LRRN4CL: variants seen among roughly 807,000 people sequenced by gnomAD.
LRRN4CL encodes the protein LRRN4 C-terminal like, also known as LRRN4 C-terminal-like protein.
For missense variants in LRRN4CL, 348 were observed against 336.4 expected (o/e 1.03, Z -0.27); for synonymous variants, 156 against 154.1 (o/e 1.01, Z -0.09).
chr11:62,687,915 C>A lies in LRRN4CL; in HGVS notation c.594G>T (p.Ala198=). The A allele has an allele frequency of 2.6e-6, 4 of 1,515,762 alleles. No homozygotes were observed. Among genetic ancestry groups the A allele is most frequent in the Non-Finnish European group, 3.5e-6 (4 of 1,134,356 alleles). The allele number at this position is 1,515,762 out of a possible 1,614,324, so 93.9% of individuals were successfully genotyped here. ...CCAGGGCCGTGCCCACCCCGACGGC[C>A]GCGTGGACCAGAGTGCGGGGGTTGG... ...VPPNPRTLVH[A]AVGVGTALAL... Residue 198 remains alanine, a synonymous_variant, in exon 2 of 2, where the codon GCG becomes GCT. Coordinates refer to ENST00000317449, the MANE Select transcript of LRRN4CL (RefSeq NM_203422.4).
chr11:62,688,211 C>A lies in LRRN4CL; in HGVS notation c.298G>T (p.Ala100Ser), dbSNP rs575634584. ...AAGGGGGCACACCAGTGGACCACTG[C>A]GCGGCCCTCTTCGGCCGCAATGCGC... ...EVRIAAEEGR[A>S]VVHWCAPFSP... Residue 100 changes from alanine (A) to serine (S), a missense_variant, in exon 2 of 2, where the codon GCA (alanine) becomes TCA (serine). Transcript: ENST00000317449. 4.3e-6 allele frequency: 7 copies of A among 1,612,082 alleles called. No homozygotes were observed. Among genetic ancestry groups the A allele is most frequent in the Non-Finnish European group, 5.9e-6 (7 of 1,179,630 alleles).
In LRRN4CL at chr11:62,687,874, G is replaced by A. The variant is rs752345635; in HGVS notation, c.635C>T (p.Ala212Val). The A allele has an allele frequency of 4.1e-6, 6 of 1,453,916 alleles. No individual in the cohort carries two copies. In the African/African-American group the frequency reaches 5.9e-5, roughly 14 times the overall value. The allele number at this position is 1,453,916 out of a possible 1,614,324, so 90.1% of individuals were successfully genotyped here. A position where few individuals can be genotyped will look rare whatever the true frequency, so the allele number is the denominator to read the frequency against. ...CAGGCAGAAGTGCCACACCAGGGCG[G>A]CACAGCTTAGCAGGGCCAGGGCCGT... Reference protein sequence around the residue: ...VGTALALLSCAALVWHFCLRD... With the variant: ...VGTALALLSCVALVWHFCLRD... Residue 212 changes from alanine to valine, a missense_variant, in exon 2 of 2, where the codon GCC becomes GTC. Transcript: ENST00000317449.
In LRRN4CL at chr11:62,688,173, G is replaced by A. The variant is rs1477591191; in HGVS notation, c.336C>T (p.Leu112=). Residue 112 remains leucine, a synonymous_variant, in exon 2 of 2, where the codon CTC becomes CTT. Transcript: ENST00000317449. ...CGTCCCAAAGCAGCAGCCAGTAGTG[G>A]AGGACCGGGGAGAAGGGGGCACACC... The part of the protein sequence containing the change: ...VHWCAPFSPV[L]HYWLLLWDGS... The A allele has an allele frequency of 1.2e-6, 2 of 1,612,500 alleles. No homozygotes were observed. Among genetic ancestry groups the A allele is most frequent in the Middle Eastern group, 1.7e-4 (1 of 6,060 alleles).
intron 1 of LRRN4CL, among the ~76,000 whole-genome samples, chr11:62,688,803 A>G (rs1945236329): frequency 6.6e-6 from 1 of 152,172 alleles, no homozygotes; most frequent in Non-Finnish European, 1.5e-5. Context: ...GGGAGAGAAG[A>G]GGAGGACATG....
In LRRN4CL at chr11:62,688,202, G is replaced by C. The variant is rs776376410; in HGVS notation, c.307C>G (p.His103Asp). ...ACCGGGGAGAAGGGGGCACACCAGT[G>C]GACCACTGCGCGGCCCTCTTCGGCC... ...IAAEEGRAVV[H>D]WCAPFSPVLH... is the part of the protein sequence containing the mutation. The change falls in exon 2 of 2, where the codon CAC (histidine) becomes GAC (aspartate). Residue 103 changes from histidine to aspartate, a missense_variant. Coordinates refer to ENST00000317449, the MANE Select transcript of LRRN4CL (RefSeq NM_203422.4). The C allele has an allele frequency of 9.3e-6, 15 of 1,612,266 alleles. No individual in the cohort carries two copies. The highest frequency in any genetic ancestry group is 1.3e-5 in the Non-Finnish European group (15 of 1,179,704).
chr11:62,687,780 C>A lies in LRRN4CL; in HGVS notation c.*12G>T. 7.2e-7 allele frequency: 1 copy of A among 1,390,462 alleles called. No homozygotes were observed. The highest frequency in any genetic ancestry group is 9.2e-7 in the Non-Finnish European group (1 of 1,082,694). The allele number at this position is 1,390,462 out of a possible 1,614,324, so 86.1% of individuals were successfully genotyped here. A position where few individuals can be genotyped will look rare whatever the true frequency, so the allele number is the denominator to read the frequency against. ...TGGGGCTGTCTGTGCCCGAGATGCC[C>A]CCAGGCCCCTTTCAGAGCGCCCCTG... On this transcript the variant is annotated 3_prime_UTR_variant, in exon 2 of 2. Coordinates refer to ENST00000317449, the MANE Select transcript of LRRN4CL (RefSeq NM_203422.4).
At position 62,688,450 on chromosome 11, in the gene LRRN4CL, G is replaced by A. The variant is rs1945229131; in HGVS notation, c.59C>T (p.Ala20Val). The part of the protein sequence containing the change: ...LLAVTFLVPR[A>V]QPLAPQDFEE... ...AAAGTCTTGAGGGGCCAAGGGCTGA[G>A]CTCTGGGAACCAAGAAGGTCACGGC... Residue 20 changes from alanine to valine, a missense_variant, in exon 2 of 2, where the codon GCT (alanine) becomes GTT (valine). By Grantham distance (64) the Ala-to-Val change is moderately conservative (BLOSUM62 0). Coordinates refer to ENST00000317449, the MANE Select transcript of LRRN4CL (RefSeq NM_203422.4). 4 of 1,599,374 alleles carry A rather than the reference G, an allele frequency of 2.5e-6. No individual in the cohort carries two copies. Among genetic ancestry groups the A allele is most frequent in the Non-Finnish European group, 2.5e-6 (3 of 1,179,904 alleles).
In LRRN4CL at chr11:62,687,939, G is replaced by C. The variant is rs1945216956; in HGVS notation, c.570C>G (p.Pro190=). 1 of 1,566,158 alleles carries C rather than the reference G, an allele frequency of 6.4e-7. No homozygotes were observed. The highest frequency in any genetic ancestry group is 8.6e-7 in the Non-Finnish European group (1 of 1,157,302). The change falls in exon 2 of 2, where the codon CCC becomes CCG. Residue 190 remains proline (P), a synonymous_variant. Coordinates refer to ENST00000317449, the MANE Select transcript of LRRN4CL (RefSeq NM_203422.4). ...CCGCGTGGACCAGAGTGCGGGGGTT[G>C]GGCGGCACCGCAAGGCGGCTGCAAG... ...FGPCSRLAVP[P]NPRTLVHAAV... is the part of the protein sequence containing the mutation.
intron 1 of LRRN4CL, among the ~76,000 whole-genome samples, chr11:62,689,081 T>C (rs1945241629): frequency 6.6e-6 from 1 of 152,178 alleles, no homozygotes; most frequent in South Asian, 2.1e-4. Context: ...CACATGCCTG[T>C]GGTCCCTGCT....
In LRRN4CL at chr11:62,687,078, G is replaced by C. The variant is rs1440486240; in HGVS notation, c.*714C>G. Reference sequence around the variant, plus strand: ...GTGGAGTACCTGAGGTCAGGAGTTTGAGACCAGCCTGACAACATGGTGAAA... The same window carrying C: ...GTGGAGTACCTGAGGTCAGGAGTTTCAGACCAGCCTGACAACATGGTGAAA... On this transcript the variant is annotated 3_prime_UTR_variant, in exon 2 of 2. Transcript: ENST00000317449. 2 of 149,736 alleles carry C rather than the reference G, an allele frequency of 1.3e-5. No individual in the cohort carries two copies. The highest frequency in any genetic ancestry group is 2.4e-5 in the African/African-American group (1 of 40,922). The allele number at this position is 149,736 out of a possible 1,614,324, so 9.3% of individuals were successfully genotyped here. A position where few individuals can be genotyped will look rare whatever the true frequency, so the allele number is the denominator to read the frequency against.
At position 62,688,300 on chromosome 11, in the gene LRRN4CL, G is replaced by A. The variant is rs1265311340; in HGVS notation, c.209C>T (p.Ala70Val). The change falls in exon 2 of 2, where the codon GCC becomes GTC. Residue 70 changes from alanine to valine, a missense_variant. Transcript: ENST00000317449. ...GCTGGAGAGTCCTGGGCACAGGCAG[G>A]CCGCCGGCCCGACCCTCTGTAGCTC... is the stretch of plus-strand genomic sequence containing the variant. The part of the protein sequence containing the change: ...CKELQRVGPA[A>V]CLCPGLSSPA... 6.2e-7 allele frequency: 1 copy of A among 1,608,616 alleles called. No homozygotes were observed. The highest frequency in any genetic ancestry group is 8.5e-7 in the Non-Finnish European group (1 of 1,179,162).
chr11:62,688,264 G>A lies in LRRN4CL; in HGVS notation c.245C>T (p.Pro82Leu), dbSNP rs1334977687. Reference sequence around the variant, plus strand: ...TTCTCCCATGCGCGGCGGGTCGGGCGGCTGGGCGGGGCTGGAGAGTCCTGG... The same window carrying A: ...TTCTCCCATGCGCGGCGGGTCGGGCAGCTGGGCGGGGCTGGAGAGTCCTGG... Reference protein sequence around the residue: ...LCPGLSSPAQPPDPPRMGEVR... With the variant: ...LCPGLSSPAQLPDPPRMGEVR... Residue 82 changes from proline to leucine, a missense_variant, in exon 2 of 2, where the codon CCG (proline) becomes CTG (leucine). Transcript: ENST00000317449. The A allele has an allele frequency of 1.9e-6, 3 of 1,609,024 alleles. No individual in the cohort carries two copies. Among genetic ancestry groups the A allele is most frequent in the Non-Finnish European group, 2.5e-6 (3 of 1,178,504 alleles).
chr11:62,687,845 C>T lies in LRRN4CL; in HGVS notation c.664G>A (p.Asp222Asn). ...AALVWHFCLR[D>N]RWGCPRRAAA... ...GCTCGGCGCGGGCAGCCCCAGCGAT[C>T]GCGCAGGCAGAAGTGCCACACCAGG... Residue 222 changes from aspartate (D) to asparagine (N), a missense_variant, in exon 2 of 2, where the codon GAT becomes AAT. Coordinates refer to ENST00000317449, the MANE Select transcript of LRRN4CL (RefSeq NM_203422.4). The T allele has an allele frequency of 1.4e-6, 2 of 1,410,510 alleles. No homozygotes were observed. The highest frequency in any genetic ancestry group is 3.2e-5 in the South Asian group (2 of 63,392). The allele number at this position is 1,410,510 out of a possible 1,614,324, so 87.4% of individuals were successfully genotyped here.
chr11:62,687,865 A>ACCAGGGCGGCACAGCTTAGCAGGG lies in LRRN4CL; in HGVS notation c.620_643dup (p.Ala207_Leu214dup). The ACCAGGGCGGCACAGCTTAGCAGGG allele has an allele frequency of 6.9e-7, 1 of 1,440,906 alleles. No homozygotes were observed. Among genetic ancestry groups the ACCAGGGCGGCACAGCTTAGCAGGG allele is most frequent in the Non-Finnish European group, 9.1e-7 (1 of 1,104,134 alleles). 89.3% of individuals were successfully genotyped at this position (1,440,906 alleles called of 1,614,324 possible). A position where few individuals can be genotyped will look rare whatever the true frequency, so the allele number is the denominator to read the frequency against. ...GCGATCGCGCAGGCAGAAGTGCCACACCAGGGCGGCACAGCTTAGCAGGGC... is the reference window on the plus strand; with the variant it reads ...GCGATCGCGCAGGCAGAAGTGCCACACCAGGGCGGCACAGCTTAGCAGGGCCAGGGCGGCACAGCTTAGCAGGGC... On this transcript the variant is annotated inframe_insertion, in exon 2 of 2. Coordinates refer to ENST00000317449, the MANE Select transcript of LRRN4CL (RefSeq NM_203422.4).
In LRRN4CL at chr11:62,687,955, C is replaced by T. The variant is rs551756407; in HGVS notation, c.554G>A (p.Arg185His). Residue 185 changes from arginine to histidine, a missense_variant, in exon 2 of 2, where the codon CGC (arginine) becomes CAC (histidine). By Grantham distance (29) the Arg-to-His change is conservative. Coordinates refer to ENST00000317449, the MANE Select transcript of LRRN4CL (RefSeq NM_203422.4). Reference protein sequence around the residue: ...ADIPAFGPCSRLAVPPNPRTL... With the variant: ...ADIPAFGPCSHLAVPPNPRTL... ...GCGGGGGTTGGGCGGCACCGCAAGG[C>T]GGCTGCAAGGCCCGAAGGCAGGGAT... The T allele has an allele frequency of 3.2e-6, 5 of 1,586,980 alleles. No homozygotes were observed. Among genetic ancestry groups the T allele is most frequent in the African/African-American group, 2.7e-5 (2 of 74,496 alleles).
rs766943738 is a variant in LRRN4CL, at chr11:62,688,263, C to A, written c.246G>T (p.Pro82=). 2 of 1,609,558 alleles carry A rather than the reference C, an allele frequency of 1.2e-6. No individual in the cohort carries two copies. Among genetic ancestry groups the A allele is most frequent in the Non-Finnish European group, 8.5e-7 (1 of 1,178,610 alleles). The change falls in exon 2 of 2, where the codon CCG becomes CCT. Residue 82 remains proline, a synonymous_variant. Transcript: ENST00000317449. ...CTTCTCCCATGCGCGGCGGGTCGGG[C>A]GGCTGGGCGGGGCTGGAGAGTCCTG... The part of the protein sequence containing the change: ...LCPGLSSPAQ[P]PDPPRMGEVR...
chr11:62,688,227 C>G lies in LRRN4CL; in HGVS notation c.282G>C (p.Ala94=). The G allele has an allele frequency of 6.2e-7, 1 of 1,611,814 alleles. No homozygotes were observed. Among genetic ancestry groups the G allele is most frequent in the Non-Finnish European group, 8.5e-7 (1 of 1,179,512 alleles). The change falls in exon 2 of 2, where the codon GCG becomes GCC. Residue 94 remains alanine, a synonymous_variant. Transcript: ENST00000317449. ...DPPRMGEVRI[A]AEEGRAVVHW... ...GGACCACTGCGCGGCCCTCTTCGGC[C>G]GCAATGCGCACTTCTCCCATGCGCG...
Position 62,687,440 on chromosome 11 carries a change from A to T in LRRN4CL, c.*352T>A. ...CGCATTACTAAGTCAGGTCGTTTTT[A>T]CATTTTTAAATGGTTACAAAGGTCA... is the stretch of plus-strand genomic sequence containing the variant. On this transcript the variant is annotated 3_prime_UTR_variant, in exon 2 of 2. Transcript: ENST00000317449. The T allele has an allele frequency of 4.7e-5, 11 of 232,458 alleles. No homozygotes were observed. Among genetic ancestry groups the T allele is most frequent in the East Asian group, 8.2e-5 (1 of 12,208 alleles). The allele number at this position is 232,458 out of a possible 1,614,324, so 14.4% of individuals were successfully genotyped here.
Position 62,687,656 on chromosome 11 carries a change from T to C in LRRN4CL, c.*136A>G, listed in dbSNP as rs944460579. On this transcript the variant is annotated 3_prime_UTR_variant, in exon 2 of 2. Coordinates refer to ENST00000317449, the MANE Select transcript of LRRN4CL (RefSeq NM_203422.4). ...AGTCCTGAGAACCATGACTCCGCCG[T>C]GGCCCTGGAGCCTGGGGCTGGCTCC... 18 of 657,714 alleles carry C rather than the reference T, an allele frequency of 2.7e-5. No homozygotes were observed. Among genetic ancestry groups the C allele is most frequent in the Non-Finnish European group, 4.1e-5 (18 of 437,944 alleles). The allele number at this position is 657,714 out of a possible 1,614,324, so 40.7% of individuals were successfully genotyped here. A position where few individuals can be genotyped will look rare whatever the true frequency, so the allele number is the denominator to read the frequency against.
Sources: gnomAD v4.1 joint callset for allele counts (sites outside exome capture counted in the v4.1 genomes callset) on GRCh38, gnomAD v4.1.1 for gene constraint, MANE v1.5 for transcripts, NCBI Gene and HGNC (gene_info 2026-07-23, HGNC 2026-07-21) for gene names.